The following TBC1D5 variants were observed in gnomAD, a reference collection of about 807,000 sequenced individuals.
TBC1D5 encodes TBC1 domain family member 5.
TBC1D5 carries 75 observed loss-of-function variants against 100.3 expected under a neutral mutation model. The observed-to-expected ratio is 0.75, with a 90% CI of 0.62 to 0.91. TBC1D5 has a LOEUF of 0.91. Among genes scored for constraint, TBC1D5 ranks in the 40% least tolerant of loss-of-function variants. The pLI is 0.00. For synonymous variants in TBC1D5, 323 were observed against 325.6 expected (o/e 0.99, Z 0.09); for missense variants, 910 against 942.4 (o/e 0.97, Z 0.45).
At chr3:17,325,912 A>G (rs900795236) in intron 13 of TBC1D5, among the ~76,000 whole-genome samples, 3 of 152,188 alleles carry the variant, frequency 2.0e-5, no homozygotes, top group Admixed American at 6.5e-5. Flanking sequence ...ATTAAGTGAC[A>G]AAACCTTGAA....
exon 22 of TBC1D5, chr3:17,159,063 AG>A (rs1223703189): frequency 1.3e-5 from 2 of 152,228 alleles, no homozygotes; most frequent in Admixed American, 1.3e-4. Context: ...GCTTGGCAGC[AG>A]CTTACTCAGA....
intron 15 of TBC1D5, among the ~76,000 whole-genome samples, chr3:17,277,958 A>T (rs909259533): frequency 6.6e-6 from 1 of 152,232 alleles, no homozygotes; most frequent in Non-Finnish European, 1.5e-5. Flanking sequence ...AATACAGAAT[A>T]GTCCTATAAC....
At chr3:17,525,456 A>G (rs1409276917) in intron 2 of TBC1D5, among the ~76,000 whole-genome samples, 1 of 152,160 alleles carries the variant, frequency 6.6e-6, no homozygotes, top group African/African-American at 2.4e-5. Flanking sequence ...AAAAATATTT[A>G]ATTATAAAAA....
At chr3:17,625,385 A>C (rs1431710644) in intron 1 of TBC1D5, among the ~76,000 whole-genome samples, 2 of 152,064 alleles carry the variant, frequency 1.3e-5, no homozygotes, top group Non-Finnish European at 2.9e-5. Flanking sequence ...GGGCATACCC[A>C]CTGCCTGTTA....
chr3:17,210,104 C>G (rs1019061511), intron 18 of TBC1D5, among the ~76,000 whole-genome samples: 9 of 152,040 alleles, frequency 5.9e-5, no homozygotes, highest in Non-Finnish European at 1.3e-4. Context: ...TCTTTAATGT[C>G]TAAACATGGC....
intron 1 of TBC1D5, among the ~76,000 whole-genome samples, chr3:17,706,876 A>C (rs1490625641): frequency 3.3e-5 from 5 of 151,832 alleles, no homozygotes; most frequent in Admixed American, 3.3e-4. Context: ...TTTTAAAAAA[A>C]GTCATTAATT....
At chr3:17,734,997 G>A (rs1386106381) in intron 1 of TBC1D5, among the ~76,000 whole-genome samples, 1 of 152,120 alleles carries the variant, frequency 6.6e-6, no homozygotes, top group Non-Finnish European at 1.5e-5. Context: ...GAAGGCCGAG[G>A]TGGAAGGATC....
At chr3:17,364,298 C>A (rs187007696) in intron 13 of TBC1D5, among the ~76,000 whole-genome samples, 54 of 151,864 alleles carry the variant, frequency 3.6e-4, no homozygotes, top group African/African-American at 1.3e-3. Flanking sequence ...TTTTTCTTTC[C>A]TTCCCATTCA....
chr3:17,495,131 T>G (rs541239043), intron 3 of TBC1D5, among the ~76,000 whole-genome samples: 10 of 152,190 alleles, frequency 6.6e-5, no homozygotes, highest in Non-Finnish European at 1.0e-4. Flanking sequence ...TGGATACCTC[T>G]GTTGAAGATT....
At chr3:17,720,101 G>A (rs2075569349) in intron 1 of TBC1D5, among the ~76,000 whole-genome samples, 1 of 152,126 alleles carries the variant, frequency 6.6e-6, no homozygotes, top group African/African-American at 2.4e-5. Flanking sequence ...ATGTTTAATA[G>A]GAAGTATTTG....
chr3:17,173,933 T>A (rs1559349352), intron 19 of TBC1D5, among the ~76,000 whole-genome samples: 1 of 152,196 alleles, frequency 6.6e-6, no homozygotes, highest in Non-Finnish European at 1.5e-5. Context: ...GACAAAGGGA[T>A]GTCTGTGCAC....
chr3:17,733,113 A>G (rs1159338240), intron 1 of TBC1D5, among the ~76,000 whole-genome samples: 2 of 152,206 alleles, frequency 1.3e-5, no homozygotes, highest in African/African-American at 4.8e-5. Flanking sequence ...GGCAGAATCA[A>G]TGGAGTCCAG....
chr3:17,588,254 G>GAAAAAAAAAA (rs556546467), intron 2 of TBC1D5, among the ~76,000 whole-genome samples: 1 of 74,096 alleles, frequency 1.3e-5, no homozygotes, highest in Non-Finnish European at 3.1e-5. Flanking sequence ...CAAGAAAGGA[G>GAAAAAAAAAA]AAAAAAAAAA....
intron 3 of TBC1D5, among the ~76,000 whole-genome samples, chr3:17,451,122 G>T (rs1056479609): frequency 6.6e-6 from 1 of 152,136 alleles, no homozygotes; most frequent in Admixed American, 6.5e-5. Context: ...TTCATCTCAA[G>T]CCAAACTAAG....
intron 10 of TBC1D5, among the ~76,000 whole-genome samples, chr3:17,376,262 T>A (rs1172222288): frequency 6.6e-6 from 1 of 152,108 alleles, no homozygotes; most frequent in East Asian, 1.9e-4. Context: ...AATTTTCCAT[T>A]CTTGATCCAT....
chr3:17,521,343 A>G (rs2096061639), intron 2 of TBC1D5, among the ~76,000 whole-genome samples: 1 of 152,208 alleles, frequency 6.6e-6, no homozygotes, highest in Non-Finnish European at 1.5e-5. Flanking sequence ...TGAAGCCAAC[A>G]AGGGTAACTT....
At chr3:17,458,054 T>C (rs1453608486) in intron 3 of TBC1D5, among the ~76,000 whole-genome samples, 3 of 152,188 alleles carry the variant, frequency 2.0e-5, no homozygotes, top group Admixed American at 6.5e-5. Flanking sequence ...AAAAAAGTTA[T>C]TTACCAAGGT....
intron 3 of TBC1D5, among the ~76,000 whole-genome samples, chr3:17,433,885 G>A (rs897815735): frequency 6.6e-5 from 10 of 152,258 alleles, no homozygotes; most frequent in African/African-American, 2.2e-4. Flanking sequence ...GAGAGAAACT[G>A]ACCAAAACGA....
intron 18 of TBC1D5, among the ~76,000 whole-genome samples, chr3:17,198,682 C>T (rs943512363): frequency 6.6e-6 from 1 of 152,102 alleles, no homozygotes; most frequent in African/African-American, 2.4e-5. Context: ...TGCTTTCAAC[C>T]TGGGGAAGAG....
Sources: allele counts gnomAD v4.1 joint callset (sites outside exome capture counted in the v4.1 genomes callset), GRCh38; gene constraint gnomAD v4.1.1; transcripts MANE v1.5; gene names NCBI Gene and HGNC (gene_info 2026-07-23, HGNC 2026-07-21).